Variants in USP3 observed in about 807,000 individuals in gnomAD.
The protein encoded by USP3 is ubiquitin carboxyl-terminal hydrolase 3.
In USP3, 20 loss-of-function variants were observed where a neutral mutation model predicts 72.3. The observed-to-expected ratio is 0.28, with a 90% CI of 0.19 to 0.40. The LOEUF (loss-of-function observed/expected upper bound fraction) is 0.40, where lower values mean the gene tolerates loss of function less well. Ranked by LOEUF, USP3 falls within the 10% of genes least tolerant of loss-of-function variation. USP3 has a pLI of 1.00. For synonymous variants in USP3, 222 were observed against 225.3 expected, an observed-to-expected ratio of 0.99 and a Z score of 0.13; for missense variants, 479 against 633.9, an observed-to-expected ratio of 0.76 and a Z score of 2.62.
chr15:63,514,725 C>T (rs1041031862), intron 1 of USP3, among the ~76,000 whole-genome samples: 29 of 152,128 alleles, frequency 1.9e-4, no homozygotes, highest in Non-Finnish European at 3.7e-4. Context: ...AGAGGGGGTG[C>T]TTCCTTAAAT....
intron 8 of USP3, among the ~76,000 whole-genome samples, chr15:63,567,500 C>T (rs755820151): frequency 5.3e-5 from 8 of 152,154 alleles, no homozygotes; most frequent in Non-Finnish European, 1.2e-4. Flanking sequence ...GCGCCTGCAA[C>T]CACGCCCGGC....
chr15:63,527,542 G>C (rs1372652837), intron 1 of USP3, among the ~76,000 whole-genome samples: 2 of 152,174 alleles, frequency 1.3e-5, no homozygotes. Context: ...TTCCAGACTT[G>C]TTGGTAGGCC....
intron 11 of USP3, among the ~76,000 whole-genome samples, chr15:63,581,475 C>T (rs907582488): frequency 3.4e-5 from 5 of 147,990 alleles, no homozygotes; most frequent in East Asian, 2.0e-4. Flanking sequence ...CCTCTGCCTC[C>T]GGGTTCAAGC....
intron 3 of USP3, among the ~76,000 whole-genome samples, 177 bp downstream of exon 3, chr15:63,537,333 C>T (rs1956257807): frequency 6.6e-6 from 1 of 152,148 alleles, no homozygotes; most frequent in African/African-American, 2.4e-5. Flanking sequence ...TCAGATTTTA[C>T]TTTGCATTGT....
chr15:63,521,868 G>A (rs907203612), intron 1 of USP3, among the ~76,000 whole-genome samples: 5 of 152,208 alleles, frequency 3.3e-5, no homozygotes, highest in African/African-American at 9.7e-5. Context: ...AGGCCTCAGA[G>A]GATTGATGGT....
At position 63,582,990 on chromosome 15, in the gene USP3, A is replaced by G. The variant is rs140163153; in HGVS notation, c.1097-5315A>G. Among the ~76,000 whole-genome samples the G allele has an allele frequency of 5.9e-5, 9 of 152,320 alleles. No homozygotes were observed. The East Asian group carries it at 1.2e-3, about 20-fold the overall frequency. On this transcript the variant is annotated intron_variant, in intron 11 of 14. Coordinates refer to ENST00000380324, the MANE Select transcript of USP3 (RefSeq NM_006537.4). ...TCAAATTCCTGAAATTAAAGCTTCT[A>G]AACAGTTACTAAAGGAGATTTAGAA...
chr15:63,528,286 A>T lies in USP3; in HGVS notation c.92-4361A>T, dbSNP rs1241939295. ...GAGTAAAAGATGAGTTTCACTTATGAGACTCCCAGTCACACCGCTATGGCC... is the reference window on the plus strand; with the variant it reads ...GAGTAAAAGATGAGTTTCACTTATGTGACTCCCAGTCACACCGCTATGGCC... On this transcript the variant is annotated intron_variant, in intron 1 of 14. Coordinates refer to ENST00000380324, the MANE Select transcript of USP3 (RefSeq NM_006537.4). This position sits in a 1 kb window ranked among gnomAD's most constrained non-coding sequence, Gnocchi z 4.3. 1 of 152,186 alleles carries T rather than the reference A, an allele frequency of 6.6e-6. No individual in the cohort carries two copies. The highest frequency in any genetic ancestry group is 2.4e-5 in the African/African-American group (1 of 41,450). 9.4% of individuals were successfully genotyped at this position (152,186 alleles called of 1,614,324 possible).
At chr15:63,576,631 C>G (rs1488311087) in intron 11 of USP3, among the ~76,000 whole-genome samples, 1 of 152,168 alleles carries the variant, frequency 6.6e-6, no homozygotes, top group Admixed American at 6.5e-5. Flanking sequence ...TTTCTTGGCA[C>G]AGAATCCTTG....
At chr15:63,520,872 G>T (rs1280654884) in intron 1 of USP3, among the ~76,000 whole-genome samples, 2 of 151,858 alleles carry the variant, frequency 1.3e-5, no homozygotes, top group Non-Finnish European at 2.9e-5. Flanking sequence ...CCCATTTTAA[G>T]ATTTTTAAAA....
chr15:63,584,720 G>C (rs1016541118), intron 11 of USP3, among the ~76,000 whole-genome samples: 9 of 151,952 alleles, frequency 5.9e-5, no homozygotes, highest in Admixed American at 5.9e-4. Flanking sequence ...CCCATTCTGT[G>C]GTTCTCTTTA....
At chr15:63,537,187 C>G (rs1178181436) in intron 3 of USP3, 31 bp downstream of exon 3, 2 of 1,605,778 alleles carry the variant, frequency 1.2e-6, no homozygotes, top group South Asian at 2.2e-5. Context: ...AATGAGATTT[C>G]TTACTGTGTG....
chr15:63,566,602 C>T (rs1025382996), intron 8 of USP3, among the ~76,000 whole-genome samples: 6 of 152,124 alleles, frequency 3.9e-5, no homozygotes, highest in Non-Finnish European at 5.9e-5. Flanking sequence ...TGTGACCCAC[C>T]GTGCCTGGCC....
At chr15:63,562,854 C>T (rs752728339) in intron 7 of USP3, 41 bp from the exon 8 acceptor site, 1 of 1,344,686 alleles carries the variant, frequency 7.4e-7, no homozygotes. Flanking sequence ...AAATTGTAGC[C>T]TCTCACTAAT....
Position 63,590,902 on chromosome 15 carries a change from T to C in USP3, c.*76T>C. ...TTTTCCACAAATACTTGATACAAGA[T>C]TTAATTTCATTATGCACTTTTCAAT... On this transcript the variant is annotated 3_prime_UTR_variant, in exon 15 of 15. Coordinates refer to ENST00000380324, the MANE Select transcript of USP3 (RefSeq NM_006537.4). The C allele has an allele frequency of 6.8e-7, 1 of 1,470,794 alleles. No individual in the cohort carries two copies. The highest frequency in any genetic ancestry group is 9.1e-7 in the Non-Finnish European group (1 of 1,102,746). 91.1% of individuals were successfully genotyped at this position (1,470,794 alleles called of 1,614,324 possible).
In USP3 at chr15:63,588,515, T is replaced by G; in HGVS notation, c.1215+92T>G. 1 of 1,042,248 alleles carries G rather than the reference T, an allele frequency of 9.6e-7. No homozygotes were observed. Among genetic ancestry groups the G allele is most frequent in the Non-Finnish European group, 1.4e-6 (1 of 698,318 alleles). 64.6% of individuals were successfully genotyped at this position (1,042,248 alleles called of 1,614,324 possible). A position where few individuals can be genotyped will look rare whatever the true frequency, so the allele number is the denominator to read the frequency against. On this transcript the variant is annotated intron_variant, in intron 12 of 14. Coordinates refer to ENST00000380324, the MANE Select transcript of USP3 (RefSeq NM_006537.4). The surrounding 1 kb of genome is among the most constrained non-coding windows in gnomAD (Gnocchi z 4.6). ...CTATAACTTTACACTATGTGAACTG[T>G]TCTGTATTTTTCTCTAGGATTTTCA...
chr15:63,506,326 G>A (rs898145617), intron 1 of USP3, among the ~76,000 whole-genome samples: 1 of 151,670 alleles, frequency 6.6e-6, no homozygotes, highest in Non-Finnish European at 1.5e-5. Flanking sequence ...CATTGCTGTG[G>A]TGCTATAATT....
chr15:63,556,649 CTGTT>C lies in USP3; in HGVS notation c.369-14_369-11del, dbSNP rs773815686. The C allele has an allele frequency of 3.8e-6, 6 of 1,584,750 alleles. No individual in the cohort carries two copies. The East Asian group carries it at 6.7e-5, about 18-fold the overall frequency. On this transcript the variant is annotated splice_polypyrimidine_tract_variant and intron_variant, in intron 4 of 14. Transcript: ENST00000380324. ...CATATATTAATAACTTTTTCACTAT[CTGTT>C]TGTGTTTTAATAGCTCAGCTTTCAC...
intron 7 of USP3, 114 bp downstream of exon 7, chr15:63,560,084 C>T: frequency 1.1e-6 from 1 of 884,412 alleles, no homozygotes; most frequent in South Asian, 1.9e-5. Flanking sequence ...AAAAAATCTT[C>T]TAAAAATTGT....
chr15:63,540,882 T>G (rs564952961), intron 3 of USP3, among the ~76,000 whole-genome samples: 174 of 152,308 alleles, frequency 1.1e-3, no homozygotes, highest in African/African-American at 3.8e-3. Flanking sequence ...GAGCTAGTGT[T>G]TAGTTTACTG....
Sources: allele counts gnomAD v4.1 joint callset (sites outside exome capture counted in the v4.1 genomes callset), GRCh38; gene constraint gnomAD v4.1.1; non-coding constraint Gnocchi (gnomAD v3.1); transcripts MANE v1.5; gene names NCBI Gene and HGNC (gene_info 2026-07-23, HGNC 2026-07-21).